SHTN1: variants seen among roughly 807,000 people sequenced by gnomAD.
SHTN1 encodes shootin 1.
In SHTN1, 42 loss-of-function variants were observed where a neutral mutation model predicts 83.1. The ratio of observed to expected loss-of-function variants is 0.51; its 90% CI spans 0.39 to 0.65. The LOEUF is 0.65. Among genes scored for constraint, SHTN1 ranks in the 30% least tolerant of loss-of-function variants. The pLI, the probability that SHTN1 is intolerant of heterozygous loss-of-function variation, is 0.00. For missense variants in SHTN1, 622 were observed against 737.8 expected, an observed-to-expected ratio of 0.84 and a Z score of 1.82; for synonymous variants, 224 against 247.7, an observed-to-expected ratio of 0.90 and a Z score of 0.90.
upstream of SHTN1, among the ~76,000 whole-genome samples, chr10:117,006,058 A>G (rs1852001297): frequency 6.6e-6 from 1 of 152,142 alleles, no homozygotes; most frequent in Non-Finnish European, 1.5e-5. Flanking sequence ...GCATTGTTTC[A>G]AAGGTGCTTC....
intron 3 of SHTN1, among the ~76,000 whole-genome samples, chr10:116,963,546 T>G (rs1015616142): frequency 6.6e-6 from 1 of 152,200 alleles, no homozygotes; most frequent in African/African-American, 2.4e-5. Context: ...AAAGTGTCCG[T>G]AATACTGCAG....
At chr10:116,927,346 A>C (rs1013256208) in intron 11 of SHTN1, among the ~76,000 whole-genome samples, 2 of 152,208 alleles carry the variant, frequency 1.3e-5, no homozygotes, top group Non-Finnish European at 1.5e-5. Context: ...TGCTGCTAAT[A>C]AAGATATACC....
chr10:117,084,124 A>C (rs1432242856), intron 1 of SHTN1, among the ~76,000 whole-genome samples: 7 of 151,936 alleles, frequency 4.6e-5, no homozygotes, highest in Admixed American at 3.9e-4. Flanking sequence ...AGGCGCTCTT[A>C]TTTTTAGAGT....
intron 7 of SHTN1, among the ~76,000 whole-genome samples, chr10:116,947,764 C>T (rs1047334089): frequency 2.0e-5 from 3 of 152,140 alleles, no homozygotes; most frequent in African/African-American, 7.2e-5. Context: ...TTTCTCTCTT[C>T]CTAGACAGGG....
chr10:117,031,968 A>G (rs532806799), intron 2 of SHTN1, among the ~76,000 whole-genome samples: 18 of 152,304 alleles, frequency 1.2e-4, no homozygotes, highest in East Asian at 7.7e-4. Context: ...GGCTAAATGG[A>G]TAAGAAAACA....
intron 1 of SHTN1, among the ~76,000 whole-genome samples, chr10:117,106,232 G>GA (rs200714936): frequency 1.3e-5 from 2 of 152,100 alleles, no homozygotes; most frequent in Non-Finnish European, 2.9e-5. Context: ...TGAGGTGGGC[G>GA]AATCAGGAGG....
chr10:117,096,893 A>T (rs1481451607), intron 1 of SHTN1, among the ~76,000 whole-genome samples: 1 of 152,260 alleles, frequency 6.6e-6, no homozygotes, highest in Non-Finnish European at 1.5e-5. Flanking sequence ...AAGCATTCCA[A>T]CACATTTTAA....
chr10:116,965,618 G>C (rs1850360906), intron 3 of SHTN1, among the ~76,000 whole-genome samples: 1 of 152,182 alleles, frequency 6.6e-6, no homozygotes. Flanking sequence ...GTGGAGTCTG[G>C]TGTCAAAGAA....
chr10:116,941,000 T>G (rs777790346), intron 8 of SHTN1, among the ~76,000 whole-genome samples: 1 of 152,268 alleles, frequency 6.6e-6, no homozygotes, highest in Admixed American at 6.5e-5. Flanking sequence ...CTACTATGAA[T>G]AGGTAACATT....
intron 5 of SHTN1, among the ~76,000 whole-genome samples, chr10:116,953,137 G>A (rs965664512): frequency 6.6e-6 from 1 of 152,070 alleles, no homozygotes; most frequent in Non-Finnish European, 1.5e-5. Context: ...AATGAATATT[G>A]CTTTTGACCT....
intron 16 of SHTN1, chr10:116,900,396 A>G: frequency 2.8e-6 from 2 of 715,896 alleles, no homozygotes; most frequent in Non-Finnish European, 2.3e-6. Flanking sequence ...GATCCTTTTC[A>G]CTGTCAATTC....
chr10:116,974,253 CT>C (rs1219101488), intron 2 of SHTN1: 2 of 463,668 alleles, frequency 4.3e-6, no homozygotes, highest in African/African-American at 4.2e-5. Context: ...CTCATTTTCA[CT>C]TTCAAACTGC....
At chr10:116,944,325 T>C (rs17095444) in intron 8 of SHTN1, among the ~76,000 whole-genome samples, 8,776 of 152,184 alleles carry the variant, frequency 0.058, 827 homozygotes, top group African/African-American at 0.19. Context: ...AATTTTGCCA[T>C]TAAAATCCAC....
intron 15 of SHTN1, among the ~76,000 whole-genome samples, chr10:116,904,437 C>CTTTTTT (rs779336840): frequency 6.9e-6 from 1 of 144,810 alleles, no homozygotes; most frequent in Non-Finnish European, 1.5e-5. Flanking sequence ...TGTTTCCTTC[C>CTTTTTT]TTTTTTTTTT....
At chr10:116,959,303 A>C (rs1850095043) in intron 4 of SHTN1, among the ~76,000 whole-genome samples, 1 of 152,230 alleles carries the variant, frequency 6.6e-6, no homozygotes, top group Admixed American at 6.5e-5. Flanking sequence ...ATTCTAATGT[A>C]GTGTTGTTAT....
intron 15 of SHTN1, among the ~76,000 whole-genome samples, chr10:116,902,753 T>C (rs1346175761): frequency 6.6e-6 from 1 of 152,218 alleles, no homozygotes; most frequent in Non-Finnish European, 1.5e-5. Context: ...GTCACAAATA[T>C]GCAAATTAAA....
At chr10:117,067,711 A>C (rs1853022946) in intron 1 of SHTN1, among the ~76,000 whole-genome samples, 1 of 152,202 alleles carries the variant, frequency 6.6e-6, no homozygotes, top group African/African-American at 2.4e-5. Context: ...AGCATTTAGG[A>C]GGTTGTTGCA....
intron 2 of SHTN1, among the ~76,000 whole-genome samples, chr10:117,038,989 G>A (rs1472129266): frequency 6.6e-6 from 1 of 152,034 alleles, no homozygotes; most frequent in Non-Finnish European, 1.5e-5. Context: ...CGTCCTCTTT[G>A]GTATTTACCC....
intron 9 of SHTN1, among the ~76,000 whole-genome samples, chr10:116,934,619 T>C (rs1040896026): frequency 6.6e-6 from 1 of 152,194 alleles, no homozygotes; most frequent in Non-Finnish European, 1.5e-5. Flanking sequence ...CCAGCTTTGT[T>C]CTCTTTGCTT....
Sources: allele counts gnomAD v4.1 joint callset (sites outside exome capture counted in the v4.1 genomes callset), GRCh38; gene constraint gnomAD v4.1.1; transcripts MANE v1.5; gene names NCBI Gene and HGNC (gene_info 2026-07-23, HGNC 2026-07-21).